The following FAR1 variants were observed in gnomAD, a reference collection of about 807,000 sequenced individuals.
FAR1 encodes the protein male sterility domain-containing protein 2.
In FAR1, 22 loss-of-function variants were observed where a neutral mutation model predicts 61.1. That is an observed-to-expected ratio of 0.36 (90% CI 0.26 to 0.51). FAR1 has a LOEUF of 0.51. Ranked by LOEUF, FAR1 falls within the 20% of genes least tolerant of loss-of-function variation. The pLI, the probability that FAR1 is intolerant of heterozygous loss-of-function variation, is 0.95. For synonymous variants in FAR1, 206 were observed against 209.7 expected, an observed-to-expected ratio of 0.98 and a Z score of 0.15; for missense variants, 359 against 626.9, an observed-to-expected ratio of 0.57 and a Z score of 4.56.
chr11:13,724,766 G>A (rs958092230), intron 10 of FAR1, among the ~76,000 whole-genome samples: 1 of 151,940 alleles, frequency 6.6e-6, no homozygotes, highest in African/African-American at 2.4e-5. Context: ...TTCATACTGA[G>A]CCTTCAAAAC....
intron 3 of FAR1, among the ~76,000 whole-genome samples, chr11:13,701,068 A>T (rs1848366024): frequency 6.6e-6 from 1 of 152,082 alleles, no homozygotes; most frequent in African/African-American, 2.4e-5. Context: ...TTCTTAAAAA[A>T]ATCTAATGAG....
At chr11:13,679,465 A>ACTGTT (rs1355750711) in intron 1 of FAR1, among the ~76,000 whole-genome samples, 1 of 152,180 alleles carries the variant, frequency 6.6e-6, no homozygotes, top group Admixed American at 6.6e-5. Flanking sequence ...AATTGTTAGA[A>ACTGTT]CTATTTACTT....
chr11:13,688,422 C>G (rs1565341587), intron 1 of FAR1, among the ~76,000 whole-genome samples: 1 of 152,040 alleles, frequency 6.6e-6, no homozygotes, highest in Non-Finnish European at 1.5e-5. Context: ...TTGGTGGTGA[C>G]AGATTAGCTG....
intron 9 of FAR1, among the ~76,000 whole-genome samples, chr11:13,716,150 G>A (rs1331364282): frequency 1.3e-5 from 2 of 152,056 alleles, no homozygotes; most frequent in African/African-American, 4.8e-5. Flanking sequence ...GGCAGTGCAT[G>A]CTTTCTTTAT....
chr11:13,719,908 C>T (rs1848592870), intron 9 of FAR1: 1 of 151,918 alleles, frequency 6.6e-6, no homozygotes, highest in Non-Finnish European at 1.5e-5. Flanking sequence ...TTTTAAGTTG[C>T]CATAATAAAG....
chr11:13,716,459 G>A (rs116897738), intron 9 of FAR1, among the ~76,000 whole-genome samples: 1 of 152,178 alleles, frequency 6.6e-6, no homozygotes, highest in African/African-American at 2.4e-5. Context: ...TCTTTCATGT[G>A]TTTGTGATCA....
intron 9 of FAR1, among the ~76,000 whole-genome samples, chr11:13,717,989 C>T (rs903165088): frequency 2.6e-5 from 4 of 152,068 alleles, no homozygotes; most frequent in Non-Finnish European, 4.4e-5. Context: ...GCCTATTAGA[C>T]GAAAGCCATA....
At chr11:13,700,649 T>C (rs991510310) in intron 3 of FAR1, 157 bp downstream of exon 3, 2 of 368,928 alleles carry the variant, frequency 5.4e-6, no homozygotes, top group African/African-American at 5.6e-5. Flanking sequence ...GTTAAAAGAA[T>C]TCTCTTCTTC....
rs541673549 is a variant in FAR1 at position 13,668,752 on chromosome 11, C to CGCA, written c.-59_-57dup. The CGCA allele has an allele frequency of 9.0e-3, 1,402 of 156,550 alleles. 6 individuals are homozygous for CGCA. Among genetic ancestry groups the CGCA allele is most frequent in the Non-Finnish European group, 0.014 (983 of 70,862 alleles). The allele number at this position is 156,550 out of a possible 1,614,324, so 9.7% of individuals were successfully genotyped here. ...AGCGCGACGGCGGCGGCGGCGGCGG[C>CGCA]GCAGCTATTGCTGGACGGCCAGTGG... On this transcript the variant is annotated 5_prime_UTR_variant, in exon 1 of 12. Coordinates refer to ENST00000354817, the MANE Select transcript of FAR1 (RefSeq NM_032228.6).
intron 3 of FAR1, among the ~76,000 whole-genome samples, 171 bp from the exon 4 acceptor site, chr11:13,707,729 C>CTGAT (rs1256883869): frequency 6.6e-6 from 1 of 151,932 alleles, no homozygotes; most frequent in African/African-American, 2.4e-5. Flanking sequence ...TTTAACACAG[C>CTGAT]TGATAAACAT....
chr11:13,706,941 C>G (rs555997465), intron 3 of FAR1, among the ~76,000 whole-genome samples: 85 of 152,214 alleles, frequency 5.6e-4, no homozygotes, highest in Non-Finnish European at 1.1e-3. Context: ...CAGTTTATGT[C>G]CTGATAAGTA....
In FAR1 at chr11:13,732,028, T is replaced by A. The variant is rs1848732186; in HGVS notation, c.*3254T>A. 6.6e-6 allele frequency: 1 copy of A among 152,100 alleles called. No individual in the cohort carries two copies. The highest frequency in any genetic ancestry group is 2.4e-5 in the African/African-American group (1 of 41,404). 9.4% of individuals were successfully genotyped at this position (152,100 alleles called of 1,614,324 possible). ...AAACCATTAGCGCTAACTTGCTCTG[T>A]TTTGAGAAAAACTTTCCAAACTTTT... is the stretch of plus-strand genomic sequence containing the variant. On this transcript the variant is annotated 3_prime_UTR_variant, in exon 12 of 12. Transcript: ENST00000354817.
At chr11:13,673,630 C>G (rs1373332103) in intron 1 of FAR1, among the ~76,000 whole-genome samples, 2 of 152,174 alleles carry the variant, frequency 1.3e-5, no homozygotes, top group African/African-American at 4.8e-5. Context: ...TGTTTGTGCT[C>G]TGTGACACTG....
chr11:13,679,943 G>A (rs1181500893), intron 1 of FAR1, among the ~76,000 whole-genome samples: 1 of 152,010 alleles, frequency 6.6e-6, no homozygotes, highest in Non-Finnish European at 1.5e-5. Context: ...TGCCTTGGGG[G>A]GAAGTATTGG....
At chr11:13,669,057 G>T (rs1056421135) in intron 1 of FAR1, among the ~76,000 whole-genome samples, 1 of 152,182 alleles carries the variant, frequency 6.6e-6, no homozygotes, top group Admixed American at 6.5e-5. Context: ...GTACGGTGGG[G>T]CCTGGTTTGC....
intron 1 of FAR1, among the ~76,000 whole-genome samples, chr11:13,687,991 C>T (rs1848207772): frequency 6.6e-6 from 1 of 151,466 alleles, no homozygotes; most frequent in Non-Finnish European, 1.5e-5. Context: ...GGAGATATAC[C>T]TAATCCTAAA....
At chr11:13,701,776 A>G (rs2134185037) in intron 3 of FAR1, among the ~76,000 whole-genome samples, 1 of 152,104 alleles carries the variant, frequency 6.6e-6, no homozygotes, top group South Asian at 2.1e-4. Context: ...CTCATTAATT[A>G]TTTTATTCCA....
rs1162432962 is a variant in FAR1 at position 13,708,035 on chromosome 11, C to G, written c.501C>G (p.Val167=). The G allele has an allele frequency of 6.2e-7, 1 of 1,608,074 alleles. No homozygotes were observed. Among genetic ancestry groups the G allele is most frequent in the East Asian group, 2.2e-5 (1 of 44,616 alleles). Residue 167 remains valine, a synonymous_variant, in exon 4 of 12, where the codon GTC becomes GTG. Coordinates refer to ENST00000354817, the MANE Select transcript of FAR1 (RefSeq NM_032228.6). ...ATCGCAAGCATATTGATGAAGTAGT[C>G]TATCCACCACCTGTGGATCCCAAGA... The part of the protein sequence containing the change: ...YCNRKHIDEV[V]YPPPVDPKKL...
chr11:13,719,770 T>C (rs770594306), intron 9 of FAR1: 2 of 152,142 alleles, frequency 1.3e-5, no homozygotes, highest in South Asian at 2.1e-4. Flanking sequence ...AAGCATCTTA[T>C]AGCATGCAAG....
Sources: allele counts gnomAD v4.1 joint callset (sites outside exome capture counted in the v4.1 genomes callset), GRCh38; gene constraint gnomAD v4.1.1; transcripts MANE v1.5; gene names NCBI Gene and HGNC (gene_info 2026-07-23, HGNC 2026-07-21).